LUC7L: variants seen among roughly 807,000 people sequenced by gnomAD.
LUC7L encodes the protein putative RNA-binding protein Luc7-like 1.
In LUC7L, 29 loss-of-function variants were observed where a neutral mutation model predicts 51.1. The observed-to-expected ratio is 0.57, with a 90% CI of 0.42 to 0.77. LUC7L has a LOEUF of 0.77. Among genes scored for constraint, LUC7L ranks in the 30% least tolerant of loss-of-function variants. LUC7L has a pLI of 0.00. For missense variants in LUC7L, 403 were observed against 511.9 expected (o/e 0.79, Z 2.05); for synonymous variants, 181 against 180.7 (o/e 1.00, Z -0.01).
In LUC7L at chr16:223,813, G is replaced by A. The variant is rs543630449; in HGVS notation, c.157-3066C>T. On this transcript the variant is annotated intron_variant, in intron 2 of 9. Coordinates refer to ENST00000293872, the MANE Select transcript of LUC7L (RefSeq NM_201412.3). Reference sequence around the variant, plus strand: ...GCCTCCCGAATAGCTGGGACTACAGGGGCACGCCACCACGCCCGGCTAATA... The same window carrying A: ...GCCTCCCGAATAGCTGGGACTACAGAGGCACGCCACCACGCCCGGCTAATA... Among the ~76,000 whole-genome samples the A allele has an allele frequency of 3.3e-3, 504 of 151,980 alleles. 8 individuals are homozygous for A. Among genetic ancestry groups the A allele is most frequent in the East Asian group, 1.2e-3 (6 of 5,158 alleles).
At chr16:199,655 C>T (rs2142054953) in intron 5 of LUC7L, among the ~76,000 whole-genome samples, 1 of 151,654 alleles carries the variant, frequency 6.6e-6, no homozygotes, top group Non-Finnish European at 1.5e-5. Context: ...CCTGTAATCC[C>T]AGCTATTCTG....
intron 7 of LUC7L, among the ~76,000 whole-genome samples, chr16:192,502 C>T (rs1357304128): frequency 3.2e-5 from 4 of 125,604 alleles, no homozygotes; most frequent in South Asian, 2.5e-4. Context: ...ATGCTGTTTA[C>T]TTTTTTTTTT....
intron 3 of LUC7L, among the ~76,000 whole-genome samples, chr16:214,857 T>C (rs1374187068): frequency 6.6e-6 from 1 of 152,160 alleles, no homozygotes; most frequent in Non-Finnish European, 1.5e-5. Flanking sequence ...CATGTTTCCA[T>C]GTATTTCCAA....
intron 3 of LUC7L, among the ~76,000 whole-genome samples, chr16:211,380 C>T (rs1213259604): frequency 6.6e-6 from 1 of 152,006 alleles, no homozygotes; most frequent in African/African-American, 2.4e-5. Flanking sequence ...ATCGCTTGAA[C>T]CTGGGAGGCG....
intron 5 of LUC7L, among the ~76,000 whole-genome samples, chr16:202,057 C>T (rs1196112204): frequency 6.6e-6 from 1 of 151,768 alleles, no homozygotes; most frequent in Non-Finnish European, 1.5e-5. Flanking sequence ...TTTTTAATTT[C>T]TTTGTAAAGA....
chr16:219,802 T>C (rs1487042672), intron 3 of LUC7L, among the ~76,000 whole-genome samples: 3 of 150,520 alleles, frequency 2.0e-5, no homozygotes, highest in African/African-American at 4.9e-5. Flanking sequence ...CTGGGAGGAG[T>C]AGGTTGCAGT....
chr16:218,677 C>A (rs866890630), intron 3 of LUC7L, among the ~76,000 whole-genome samples: 1 of 151,558 alleles, frequency 6.6e-6, no homozygotes, highest in Non-Finnish European at 1.5e-5. Flanking sequence ...GCCAAGATTG[C>A]GCCACTGCAT....
At chr16:208,337 A>G in intron 3 of LUC7L, 149 bp from the exon 4 acceptor site, 1 of 586,602 alleles carries the variant, frequency 1.7e-6, no homozygotes, top group East Asian at 3.4e-5. Flanking sequence ...ACTACCACTA[A>G]CGCATTCATA....
intron 3 of LUC7L, among the ~76,000 whole-genome samples, chr16:218,653 G>A (rs763204365): frequency 7.9e-5 from 12 of 151,842 alleles, no homozygotes; most frequent in African/African-American, 1.5e-4. Flanking sequence ...CCCAGGAGGC[G>A]GAGGTTGCAA....
intron 3 of LUC7L, among the ~76,000 whole-genome samples, chr16:211,122 G>T (rs1305260885): frequency 6.7e-6 from 1 of 150,082 alleles, no homozygotes; most frequent in Non-Finnish European, 1.5e-5. Flanking sequence ...CAACACTTTG[G>T]GAGTCTGAGA....
chr16:203,700 C>T (rs563408334), intron 5 of LUC7L, among the ~76,000 whole-genome samples: 1 of 99,354 alleles, frequency 1.0e-5, no homozygotes, highest in Admixed American at 1.3e-4. Context: ...AAAGTGAGAC[C>T]GTCTCAGGGC....
chr16:218,510 C>T (rs979097533), intron 3 of LUC7L, among the ~76,000 whole-genome samples: 35 of 152,092 alleles, frequency 2.3e-4, no homozygotes, highest in African/African-American at 7.7e-4. Flanking sequence ...CACCTGAGGT[C>T]AAGAGTTCAA....
chr16:208,295 C>T (rs1416123702), intron 3 of LUC7L, 107 bp from the exon 4 acceptor site: 1 of 756,998 alleles, frequency 1.3e-6, no homozygotes, highest in Non-Finnish European at 2.2e-6. Context: ...TTCTTTAAAG[C>T]CTGTACATTC....
chr16:206,168 G>A, intron 4 of LUC7L, 21 bp from the exon 5 acceptor site: 1 of 1,605,074 alleles, frequency 6.2e-7, no homozygotes, highest in Non-Finnish European at 8.5e-7. Flanking sequence ...AAAGAATGAG[G>A]TAAGCAGACA....
At chr16:202,621 C>A (rs2049366701) in intron 5 of LUC7L, among the ~76,000 whole-genome samples, 1 of 152,112 alleles carries the variant, frequency 6.6e-6, no homozygotes, top group South Asian at 2.1e-4. Context: ...CATGGCTATA[C>A]CACCCAGGTT....
At chr16:229,003 G>A in intron 1 of LUC7L, 1 of 1,440,698 alleles carries the variant, frequency 6.9e-7, no homozygotes, top group South Asian at 1.3e-5. Context: ...CGCGGCGCCC[G>A]CCGGGGAGGA....
chr16:228,411 A>G, intron 1 of LUC7L: 1 of 1,294,810 alleles, frequency 7.7e-7, no homozygotes, highest in Non-Finnish European at 1.0e-6. Context: ...ACCTTTATAA[A>G]TAAAATAGAG....
rs559379010 is a variant in LUC7L at position 228,987 on chromosome 16, C to T, written c.61+292G>A. 2,158 of 1,429,840 alleles carry T rather than the reference C, an allele frequency of 1.5e-3. 6 individuals carry two copies. The highest frequency in any genetic ancestry group is 3.7e-3 in the Admixed American group (156 of 42,568). 88.6% of individuals were successfully genotyped at this position (1,429,840 alleles called of 1,614,324 possible). Reference sequence around the variant, plus strand: ...CGACTCCACAGTTCGCGGAGGGGCACGGAGCCGCGGCGCCCGCCGGGGAGG... The same window carrying T: ...CGACTCCACAGTTCGCGGAGGGGCATGGAGCCGCGGCGCCCGCCGGGGAGG... On this transcript the variant is annotated intron_variant, in intron 1 of 9. Coordinates refer to ENST00000293872, the MANE Select transcript of LUC7L (RefSeq NM_201412.3).
intron 5 of LUC7L, 62 bp from the exon 6 acceptor site, chr16:199,300 C>A: frequency 9.4e-7 from 1 of 1,063,966 alleles, no homozygotes; most frequent in Non-Finnish European, 1.4e-6. Context: ...CAAATTCAAT[C>A]TCCAAAATGA....
Sources: gnomAD v4.1 joint callset for allele counts (sites outside exome capture counted in the v4.1 genomes callset) on GRCh38, gnomAD v4.1.1 for gene constraint, MANE v1.5 for transcripts, NCBI Gene and HGNC (gene_info 2026-07-23, HGNC 2026-07-21) for gene names.